The following SLC22A25 variants were observed in gnomAD, a reference collection of about 807,000 sequenced individuals.
The protein encoded by SLC22A25 is solute carrier family 22 member 25.
Under a neutral mutation model 45.9 loss-of-function variants are expected in SLC22A25, and 44 were observed. That is an observed-to-expected ratio of 0.96 (90% CI 0.75 to 1.23). SLC22A25 has a LOEUF of 1.23. Ranked by LOEUF, SLC22A25 falls within the 50% of genes most tolerant of loss-of-function variation. The probability of loss-of-function intolerance (pLI) is 0.00; values close to 1 mark genes in which losing one functional copy is unlikely to be tolerated. For synonymous variants in SLC22A25, 283 were observed against 238.6 expected (o/e 1.19, Z -1.72); for missense variants, 800 against 666.4 (o/e 1.20, Z -2.21).
intron 9 of SLC22A25, among the ~76,000 whole-genome samples, chr11:63,180,048 T>C (rs1306703725): frequency 6.6e-6 from 1 of 152,188 alleles, no homozygotes; most frequent in African/African-American, 2.4e-5. Context: ...ATGTATAAAC[T>C]GACATTACTC....
chr11:63,182,137 A>T (rs530991244), intron 8 of SLC22A25, among the ~76,000 whole-genome samples: 2 of 152,204 alleles, frequency 1.3e-5, no homozygotes, highest in Non-Finnish European at 2.9e-5. Flanking sequence ...TTACAAAATA[A>T]AAAAATCAAG....
At chr11:63,176,563 C>T (rs1195976399) in intron 9 of SLC22A25, among the ~76,000 whole-genome samples, 1 of 151,850 alleles carries the variant, frequency 6.6e-6, no homozygotes, top group Non-Finnish European at 1.5e-5. Context: ...TTGTATCCTT[C>T]AACTAGATTG....
intron 7 of SLC22A25, among the ~76,000 whole-genome samples, chr11:63,188,481 C>G (rs947366583): frequency 6.6e-6 from 1 of 152,098 alleles, no homozygotes; most frequent in Non-Finnish European, 1.5e-5. Context: ...TTTTGTTGCT[C>G]TTTTCAAAAA....
At chr11:63,220,089 A>G (rs1565116666) in intron 5 of SLC22A25, 1 of 1,060,936 alleles carries the variant, frequency 9.4e-7, no homozygotes. Flanking sequence ...AGACTGTGAC[A>G]ATATTGTCCT....
chr11:63,229,845 A>C lies in SLC22A25; in HGVS notation c.-193T>G, dbSNP rs1423412830. Reference sequence around the variant, plus strand: ...AATTTCCTCAAGTAGTTTTGGGGTCAGGTAGGTATCTGTTTTCTTTAGGGT... The same window carrying C: ...AATTTCCTCAAGTAGTTTTGGGGTCCGGTAGGTATCTGTTTTCTTTAGGGT... On this transcript the variant is annotated 5_prime_UTR_variant, in exon 4 of 12. Transcript: ENST00000306494. Among the ~76,000 whole-genome samples, 1 of 152,206 alleles carries C rather than the reference A, an allele frequency of 6.6e-6. No individual in the cohort carries two copies. Among genetic ancestry groups the C allele is most frequent in the Non-Finnish European group, 1.5e-5 (1 of 68,038 alleles).
chr11:63,240,002 A>G (rs1289153992), intron 1 of SLC22A25, among the ~76,000 whole-genome samples: 2 of 152,210 alleles, frequency 1.3e-5, no homozygotes, highest in East Asian at 1.9e-4. Flanking sequence ...TTGTGTGAAC[A>G]TCATGGAGTG....
At chr11:63,165,937 G>C in intron 10 of SLC22A25, 107 bp downstream of exon 10, 1 of 1,351,318 alleles carries the variant, frequency 7.4e-7, no homozygotes, top group South Asian at 1.5e-5. Flanking sequence ...GGAATCCTGA[G>C]AACTCAATTC....
chr11:63,165,390 G>A (rs986436872), intron 10 of SLC22A25, among the ~76,000 whole-genome samples: 7 of 152,144 alleles, frequency 4.6e-5, no homozygotes, highest in African/African-American at 1.7e-4. Context: ...GTGAGGTGAA[G>A]CCTGATGACA....
In SLC22A25 at chr11:63,204,864, C is replaced by T. The variant is rs530166258; in HGVS notation, c.830+12450G>A. 5.9e-5 allele frequency among the ~76,000 whole-genome samples: 9 copies of T among 152,302 alleles called. No individual in the cohort carries two copies. The South Asian group carries it at 1.9e-3, about 32-fold the overall frequency. On this transcript the variant is annotated intron_variant, in intron 7 of 11. Transcript: ENST00000306494. ...CAAAATAAACAGAATATACATTCTT[C>T]TCAGCACCACATCACCCTTACTCTA... is the stretch of plus-strand genomic sequence containing the variant.
At chr11:63,177,214 T>TA (rs200236488) in intron 9 of SLC22A25, among the ~76,000 whole-genome samples, 2,748 of 152,118 alleles carry the variant, frequency 0.018, 71 homozygotes, top group African/African-American at 0.051. Flanking sequence ...GTGAATTTTT[T>TA]AAATTTTTAA....
At chr11:63,187,671 G>C (rs2088615247) in intron 7 of SLC22A25, among the ~76,000 whole-genome samples, 2 of 152,140 alleles carry the variant, frequency 1.3e-5, no homozygotes, top group South Asian at 4.1e-4. Flanking sequence ...GTATGATATT[G>C]GCTGTGGGTT....
Position 63,237,940 on chromosome 11 carries a change from C to T in SLC22A25, c.-504G>A, listed in dbSNP as rs1476198568. 1 of 152,176 alleles carries T rather than the reference C, an allele frequency of 6.6e-6. No individual in the cohort carries two copies. Among genetic ancestry groups the T allele is most frequent in the Non-Finnish European group, 1.5e-5 (1 of 68,018 alleles). The allele number at this position is 152,176 out of a possible 1,614,324, so 9.4% of individuals were successfully genotyped here. A position where few individuals can be genotyped will look rare whatever the true frequency, so the allele number is the denominator to read the frequency against. On this transcript the variant is annotated 5_prime_UTR_variant, in exon 3 of 12. Transcript: ENST00000306494. The stretch of plus-strand genomic sequence containing the variant: ...GTCTGATAAATGGCCATATTGGATG[C>T]CTTTCACCACCACTCCATGAATAAG...
At chr11:63,176,261 G>C (rs1034581377) in intron 9 of SLC22A25, among the ~76,000 whole-genome samples, 1 of 151,984 alleles carries the variant, frequency 6.6e-6, no homozygotes, top group East Asian at 1.9e-4. Flanking sequence ...AAATAATGCC[G>C]CTGAGATTTT....
chr11:63,185,468 C>T lies in SLC22A25; in HGVS notation c.831-1651G>A, dbSNP rs184574265. On this transcript the variant is annotated intron_variant, in intron 7 of 11. Transcript: ENST00000306494. The stretch of plus-strand genomic sequence containing the variant: ...CATGTCTCTACAAAGGACATGAACT[C>T]ATCCTTTTTTATGGCTGCATAGTAT... Among the ~76,000 whole-genome samples, 7 of 151,986 alleles carry T rather than the reference C, an allele frequency of 4.6e-5. No individual in the cohort carries two copies. The East Asian group carries it at 1.4e-3, about 30-fold the overall frequency.
At chr11:63,227,779 C>A (rs1233070943) in intron 5 of SLC22A25, among the ~76,000 whole-genome samples, 2 of 152,222 alleles carry the variant, frequency 1.3e-5, no homozygotes, top group Non-Finnish European at 2.9e-5. Context: ...AGGACGAGAG[C>A]ACTTTAGCCT....
At chr11:63,224,603 G>A (rs778933702) in intron 5 of SLC22A25, among the ~76,000 whole-genome samples, 1 of 151,862 alleles carries the variant, frequency 6.6e-6, no homozygotes, top group Non-Finnish European at 1.5e-5. Flanking sequence ...TCCATTGTAT[G>A]TTTTTAGATT....
chr11:63,231,179 C>A (rs2090061398), intron 3 of SLC22A25, among the ~76,000 whole-genome samples: 1 of 152,180 alleles, frequency 6.6e-6, no homozygotes, highest in African/African-American at 2.4e-5. Flanking sequence ...AATGGGATGG[C>A]TGGGTCAAAT....
chr11:63,197,682 A>G (rs1298527480), intron 7 of SLC22A25, among the ~76,000 whole-genome samples: 1 of 152,204 alleles, frequency 6.6e-6, no homozygotes, highest in Non-Finnish European at 1.5e-5. Context: ...TTCATGACTA[A>G]AACACCAAAA....
intron 7 of SLC22A25, among the ~76,000 whole-genome samples, chr11:63,185,638 AC>A (rs2088506335): frequency 6.8e-6 from 1 of 146,604 alleles, no homozygotes; most frequent in Middle Eastern, 3.3e-3. Flanking sequence ...GGTGCGCTGC[AC>A]CCACTAACTC....
Sources: gnomAD v4.1 joint callset for allele counts (sites outside exome capture counted in the v4.1 genomes callset) on GRCh38, gnomAD v4.1.1 for gene constraint, MANE v1.5 for transcripts, NCBI Gene and HGNC (gene_info 2026-07-23, HGNC 2026-07-21) for gene names.